The following PPP4R4 variants were observed in gnomAD, a reference collection of about 807,000 sequenced individuals.
PPP4R4 encodes serine/threonine-protein phosphatase 4 regulatory subunit 4.
A neutral mutation model predicts 121.8 loss-of-function variants in PPP4R4; 70 were observed. The ratio of observed to expected loss-of-function variants is 0.57; its 90% CI spans 0.47 to 0.70. PPP4R4 has a LOEUF of 0.70. Among genes scored for constraint, PPP4R4 ranks in the 30% least tolerant of loss-of-function variants. The probability of loss-of-function intolerance (pLI) is 0.00; values close to 1 mark genes in which losing one functional copy is unlikely to be tolerated. For missense variants in PPP4R4, 875 were observed against 1,033.6 expected (o/e 0.85, Z 2.10); for synonymous variants, 348 against 355.7 (o/e 0.98, Z 0.24).
intron 3 of PPP4R4, among the ~76,000 whole-genome samples, chr14:94,221,106 T>C (rs941351225): frequency 2.0e-5 from 3 of 152,158 alleles, no homozygotes; most frequent in African/African-American, 7.2e-5. Flanking sequence ...ATTGTCAGTT[T>C]GTTTTTGACA....
intron 3 of PPP4R4, among the ~76,000 whole-genome samples, chr14:94,216,172 T>A (rs899663105): frequency 1.3e-5 from 2 of 152,246 alleles, no homozygotes; most frequent in Non-Finnish European, 2.9e-5. Context: ...CCGTTTCACT[T>A]CCATTTAGGA....
chr14:94,230,808 A>G (rs768881828), intron 4 of PPP4R4, 74 bp downstream of exon 4: 323 of 1,447,878 alleles, frequency 2.2e-4, no homozygotes, highest in Non-Finnish European at 2.7e-4. Flanking sequence ...TTATATAAAT[A>G]CTGTTAGCCT....
At position 94,242,023 on chromosome 14, in the gene PPP4R4, G is replaced by A. The variant is rs1018993859; in HGVS notation, c.1146+66G>A. The stretch of plus-strand genomic sequence containing the variant: ...TAACTTTAAAATATGTGCATAGATG[G>A]CATTCAAAATATTGCCATTTTTGAC... On this transcript the variant is annotated intron_variant, in intron 10 of 24. Coordinates refer to ENST00000304338, the MANE Select transcript of PPP4R4 (RefSeq NM_058237.2). 15 of 1,444,718 alleles carry A rather than the reference G, an allele frequency of 1.0e-5. No individual in the cohort carries two copies. The South Asian group carries it at 1.3e-4, about 12-fold the overall frequency. 89.5% of individuals were successfully genotyped at this position (1,444,718 alleles called of 1,614,324 possible).
At chr14:94,277,033 T>C (rs1894679986) in intron 24 of PPP4R4, among the ~76,000 whole-genome samples, 1 of 152,166 alleles carries the variant, frequency 6.6e-6, no homozygotes, top group Non-Finnish European at 1.5e-5. Flanking sequence ...GTGCAGTGGC[T>C]CACGCCTGTA....
intron 2 of PPP4R4, among the ~76,000 whole-genome samples, chr14:94,205,045 T>C (rs908834562): frequency 6.6e-6 from 1 of 152,224 alleles, no homozygotes; most frequent in Non-Finnish European, 1.5e-5. Context: ...ATATGAGGTA[T>C]ACTGCTTTGC....
At chr14:94,200,159 GAA>G (rs1890097144) in intron 2 of PPP4R4, among the ~76,000 whole-genome samples, 1 of 152,044 alleles carries the variant, frequency 6.6e-6, no homozygotes, top group Non-Finnish European at 1.5e-5. Context: ...ATTATATGGA[GAA>G]TATAATATAT....
chr14:94,229,420 A>G (rs966598664), intron 3 of PPP4R4, among the ~76,000 whole-genome samples: 2 of 152,222 alleles, frequency 1.3e-5, no homozygotes, highest in African/African-American at 2.4e-5. Flanking sequence ...GACATTTACT[A>G]TTTATCAGGA....
intron 19 of PPP4R4, among the ~76,000 whole-genome samples, chr14:94,261,046 C>T (rs191303527): frequency 6.2e-4 from 94 of 152,034 alleles, no homozygotes; most frequent in Non-Finnish European, 9.9e-4. Flanking sequence ...GTTAAAAAGC[C>T]TTCTTTTCCC....
Position 94,231,222 on chromosome 14 carries a change from G to A in PPP4R4, c.443-20G>A, listed in dbSNP as rs925970721. ...TGAAGTGAGACGTTTAATTTAGTATGTTTTATCTCTGTCAACCAGGTGTCA... is the reference window on the plus strand; with the variant it reads ...TGAAGTGAGACGTTTAATTTAGTATATTTTATCTCTGTCAACCAGGTGTCA... On this transcript the variant is annotated intron_variant, in intron 4 of 24. Transcript: ENST00000304338. 6.9e-6 allele frequency: 11 copies of A among 1,593,200 alleles called. No homozygotes were observed. The highest frequency in any genetic ancestry group is 8.6e-7 in the Non-Finnish European group (1 of 1,161,846).
At chr14:94,263,061 T>C (rs947574304) in intron 19 of PPP4R4, among the ~76,000 whole-genome samples, 1 of 152,252 alleles carries the variant, frequency 6.6e-6, no homozygotes, top group East Asian at 1.9e-4. Context: ...TTAGCTTTTG[T>C]TTTTAGCAGC....
At chr14:94,184,367 T>G (rs886456628) in intron 2 of PPP4R4, among the ~76,000 whole-genome samples, 18 of 152,168 alleles carry the variant, frequency 1.2e-4, no homozygotes, top group African/African-American at 4.3e-4. Context: ...CAAGTGTTCC[T>G]CCTGCCTCAA....
chr14:94,270,033 G>A (rs975413779), intron 23 of PPP4R4, among the ~76,000 whole-genome samples: 1 of 152,076 alleles, frequency 6.6e-6, no homozygotes, highest in African/African-American at 2.4e-5. Flanking sequence ...TGTTAGTAGA[G>A]GAAATTGGAT....
chr14:94,273,623 T>C (rs1323666373), intron 23 of PPP4R4, among the ~76,000 whole-genome samples: 1 of 152,134 alleles, frequency 6.6e-6, no homozygotes, highest in Non-Finnish European at 1.5e-5. Flanking sequence ...TGGGTGATAA[T>C]GACATGTCAA....
intron 2 of PPP4R4, among the ~76,000 whole-genome samples, chr14:94,184,729 A>C (rs908158408): frequency 3.9e-5 from 6 of 152,206 alleles, no homozygotes; most frequent in Non-Finnish European, 7.3e-5. Context: ...AGGGTTCTTC[A>C]TAGTCATCAC....
intron 23 of PPP4R4, among the ~76,000 whole-genome samples, chr14:94,267,263 A>G (rs1894098589): frequency 6.6e-6 from 1 of 152,222 alleles, no homozygotes; most frequent in Admixed American, 6.5e-5. Flanking sequence ...AAAAAGAACA[A>G]AAGTGATAGG....
chr14:94,278,980 GC>G lies in PPP4R4; in HGVS notation c.*339del, dbSNP rs966521243. On this transcript the variant is annotated 3_prime_UTR_variant, in exon 25 of 25. Transcript: ENST00000304338. ...CTGCATTTATTTGTGCAGGAAACCAGCCATTTAATTGTTCTAGAGTTTTAGC... is the reference window on the plus strand; with the variant it reads ...CTGCATTTATTTGTGCAGGAAACCAGCATTTAATTGTTCTAGAGTTTTAGC... 1 of 168,810 alleles carries G rather than the reference GC, an allele frequency of 5.9e-6. No individual in the cohort carries two copies. Among genetic ancestry groups the G allele is most frequent in the African/African-American group, 2.4e-5 (1 of 42,096 alleles). The allele number at this position is 168,810 out of a possible 1,614,324, so 10.5% of individuals were successfully genotyped here.
intron 2 of PPP4R4, among the ~76,000 whole-genome samples, chr14:94,189,263 C>T (rs1226702743): frequency 3.9e-5 from 6 of 152,130 alleles, no homozygotes; most frequent in Admixed American, 3.9e-4. Context: ...TCTTCATTGT[C>T]ACAATGTGAA....
chr14:94,231,640 T>G (rs1892044237), intron 5 of PPP4R4, among the ~76,000 whole-genome samples: 1 of 152,178 alleles, frequency 6.6e-6, no homozygotes, highest in South Asian at 2.1e-4. Context: ...TTTCCTATAT[T>G]TTTTAAACTC....
chr14:94,267,063 T>C (rs1181510332), intron 23 of PPP4R4, 34 bp downstream of exon 23: 2 of 1,422,430 alleles, frequency 1.4e-6, no homozygotes, highest in African/African-American at 1.4e-5. Context: ...AAAAAGTTGC[T>C]AAATTTAACA....
Sources: gnomAD v4.1 joint callset for allele counts (sites outside exome capture counted in the v4.1 genomes callset) on GRCh38, gnomAD v4.1.1 for gene constraint, MANE v1.5 for transcripts, NCBI Gene and HGNC (gene_info 2026-07-23, HGNC 2026-07-21) for gene names.